Variants in GRID1 observed in about 807,000 individuals in gnomAD.
GRID1 encodes glutamate receptor ionotropic, delta-1.
Under a neutral mutation model 98.0 loss-of-function variants are expected in GRID1, and 28 were observed. The ratio of observed to expected loss-of-function variants is 0.29; its 90% CI spans 0.21 to 0.39. The LOEUF is 0.39. Ranked by LOEUF, GRID1 falls within the 10% of genes least tolerant of loss-of-function variation. The probability of loss-of-function intolerance (pLI) is 1.00; values close to 1 mark genes in which losing one functional copy is unlikely to be tolerated. For missense variants in GRID1, 1,111 were observed against 1,340.5 expected (o/e 0.83, Z 2.67); for synonymous variants, 553 against 538.5 (o/e 1.03, Z -0.37).
At chr10:85,888,067 C>T (rs1424197155) in intron 5 of GRID1, among the ~76,000 whole-genome samples, 1 of 152,188 alleles carries the variant, frequency 6.6e-6, no homozygotes, top group Non-Finnish European at 1.5e-5. Flanking sequence ...CTTAGGTACC[C>T]TTGACCCCTT....
At chr10:86,182,418 G>A (rs947689283) in intron 3 of GRID1, among the ~76,000 whole-genome samples, 8 of 152,316 alleles carry the variant, frequency 5.3e-5, no homozygotes, top group African/African-American at 9.6e-5. Flanking sequence ...GGCCAAGGCC[G>A]CCCCAGCACG....
rs777966375 is a variant in GRID1, at chr10:86,206,456, G to A, written c.428C>T (p.Ser143Leu). The change falls in exon 3 of 16, where the codon TCG (serine) becomes TTG (leucine). Residue 143 changes from serine to leucine, a missense_variant. This residue lies in a region of GRID1 where 346 missense variants were observed against 452.3 expected (regional missense o/e 0.76). Coordinates refer to ENST00000327946, the MANE Select transcript of GRID1 (RefSeq NM_017551.3). This position sits in a 1 kb window ranked among gnomAD's most constrained non-coding sequence, Gnocchi z 4.1. ...ATCATTGAGGCGGACGGGTGGTCTC[G>A]AAGCCAGTGTGTAGGCCTCACCATC... The part of the protein sequence containing the change: ...SPDGEAYTLA[S>L]RPPVRLNDVM... 3.5e-5 allele frequency: 56 copies of A among 1,614,078 alleles called. No homozygotes were observed. The highest frequency in any genetic ancestry group is 1.6e-4 in the Middle Eastern group (1 of 6,084).
chr10:85,879,891 GA>G (rs1220014700), intron 5 of GRID1, among the ~76,000 whole-genome samples: 3 of 151,886 alleles, frequency 2.0e-5, no homozygotes, highest in Admixed American at 2.0e-4. Flanking sequence ...TAATAAAGAA[GA>G]AAAGAGAGAA....
At chr10:86,142,873 A>G (rs558634095) in intron 3 of GRID1, among the ~76,000 whole-genome samples, 1 of 152,266 alleles carries the variant, frequency 6.6e-6, no homozygotes, top group African/African-American at 2.4e-5. Flanking sequence ...AACCCACAGG[A>G]CGGTTTTATT....
chr10:86,243,373 A>G (rs1846668566), intron 2 of GRID1, among the ~76,000 whole-genome samples: 1 of 152,142 alleles, frequency 6.6e-6, no homozygotes, highest in African/African-American at 2.4e-5. Context: ...CCAGGCCTGG[A>G]GAGCCAAGCA....
intron 3 of GRID1, among the ~76,000 whole-genome samples, chr10:86,179,900 T>TAC (rs930346021): frequency 6.6e-6 from 1 of 152,148 alleles, no homozygotes; most frequent in Non-Finnish European, 1.5e-5. Flanking sequence ...CCACATTTAT[T>TAC]ACACACACAC....
chr10:85,753,620 C>G (rs112001675), intron 8 of GRID1, among the ~76,000 whole-genome samples: 1,671 of 152,320 alleles, frequency 0.011, 32 homozygotes, highest in African/African-American at 0.038. Flanking sequence ...ATTACTATAA[C>G]TTCAGTTGTG....
chr10:85,786,688 T>C (rs978375652), intron 8 of GRID1, among the ~76,000 whole-genome samples: 4 of 152,178 alleles, frequency 2.6e-5, no homozygotes, highest in African/African-American at 4.8e-5. Flanking sequence ...TGGACTGTAA[T>C]TATTGTTATA....
At chr10:85,904,978 A>C (rs1353978740) in intron 5 of GRID1, among the ~76,000 whole-genome samples, 1 of 152,164 alleles carries the variant, frequency 6.6e-6, no homozygotes, top group African/African-American at 2.4e-5. Flanking sequence ...AATGGATTAA[A>C]GTTTTGATGA....
chr10:86,052,344 A>C (rs895712106), intron 4 of GRID1: 6 of 152,210 alleles, frequency 3.9e-5, no homozygotes, highest in African/African-American at 1.4e-4. Context: ...AATAGAGTGA[A>C]GCTTGGGAGA....
chr10:85,613,073 C>T, intron 15 of GRID1: 1 of 307,130 alleles, frequency 3.3e-6, no homozygotes, highest in South Asian at 6.1e-5. Context: ...GTGGTCTCTC[C>T]AGGTCAGGGT....
chr10:85,873,996 T>C (rs2131797136), intron 5 of GRID1, among the ~76,000 whole-genome samples: 1 of 152,358 alleles, frequency 6.6e-6, no homozygotes, highest in Admixed American at 6.5e-5. Context: ...CACAATCACA[T>C]TGTATGACTA....
intron 8 of GRID1, among the ~76,000 whole-genome samples, chr10:85,732,143 G>T (rs1841833246): frequency 6.6e-6 from 1 of 152,044 alleles, no homozygotes; most frequent in African/African-American, 2.4e-5. Context: ...ATTTATTTGG[G>T]GTGCCTGCAT....
rs575448773 is a variant in GRID1 at position 86,194,449 on chromosome 10, G to A, written c.520+11915C>T. ...GCCCGGGGCATGGTTCCCCTTCTGC[G>A]TCTGCAAAGCACTGTATCTGTGTGC... is the stretch of plus-strand genomic sequence containing the variant. On this transcript the variant is annotated intron_variant, in intron 3 of 15. Coordinates refer to ENST00000327946, the MANE Select transcript of GRID1 (RefSeq NM_017551.3). 1.1e-3 allele frequency among the ~76,000 whole-genome samples: 163 copies of A among 152,196 alleles called. 2 individuals are homozygous for A. The South Asian group carries it at 0.017, about 16-fold the overall frequency.
intron 12 of GRID1, among the ~76,000 whole-genome samples, chr10:85,655,238 C>A (rs1227601708): frequency 6.6e-6 from 1 of 152,194 alleles, no homozygotes; most frequent in Admixed American, 6.5e-5. Context: ...AACCTACCCA[C>A]CCTGAAGGAA....
At chr10:86,109,971 C>CTTTTTTTT (rs56917207) in intron 4 of GRID1, among the ~76,000 whole-genome samples, 1 of 121,032 alleles carries the variant, frequency 8.3e-6, no homozygotes, top group African/African-American at 3.1e-5. Flanking sequence ...CTCTGCCATT[C>CTTTTTTTT]TTTTTTTTTT....
intron 2 of GRID1, among the ~76,000 whole-genome samples, chr10:86,344,717 G>T (rs1848358527): frequency 6.6e-6 from 1 of 152,202 alleles, no homozygotes; most frequent in Non-Finnish European, 1.5e-5. Flanking sequence ...AGCAGAATTT[G>T]GGTCTCTAGA....
intron 2 of GRID1, among the ~76,000 whole-genome samples, chr10:86,244,031 T>C (rs1467386919): frequency 1.3e-5 from 2 of 152,240 alleles, no homozygotes; most frequent in Non-Finnish European, 2.9e-5. Context: ...CATGTATGTG[T>C]GCACACCTGT....
chr10:85,713,302 C>G (rs571978394), intron 12 of GRID1, among the ~76,000 whole-genome samples: 1 of 151,688 alleles, frequency 6.6e-6, no homozygotes, highest in Admixed American at 6.6e-5. Context: ...TGAATAATTT[C>G]GAAGAAATGG....
Sources: gnomAD v4.1 joint callset for allele counts (sites outside exome capture counted in the v4.1 genomes callset) on GRCh38, gnomAD v4.1.1 for gene constraint, gnomAD v4.1.1 regional missense constraint, Gnocchi (gnomAD v3.1) non-coding constraint, MANE v1.5 for transcripts, NCBI Gene and HGNC (gene_info 2026-07-23, HGNC 2026-07-21) for gene names.